The following MRTFB variants were observed in gnomAD, a reference collection of about 807,000 sequenced individuals.
MRTFB encodes myocardin-related transcription factor B.
MRTFB carries 29 observed loss-of-function variants against 104.2 expected under a neutral mutation model. The ratio of observed to expected loss-of-function variants is 0.28; its 90% confidence interval spans 0.21 to 0.38. The LOEUF (loss-of-function observed/expected upper bound fraction) is 0.38, where lower values mean the gene tolerates loss of function less well. Ranked by LOEUF, MRTFB falls within the 10% of genes least tolerant of loss-of-function variation. The pLI, the probability that MRTFB is intolerant of heterozygous loss-of-function variation, is 1.00. For missense variants in MRTFB, 1,270 were observed against 1,341.6 expected, an observed-to-expected ratio of 0.95 and a Z score of 0.83; for synonymous variants, 535 against 519.5, an observed-to-expected ratio of 1.03 and a Z score of -0.41.
the MRTFB span, among the ~76,000 whole-genome samples, chr16:13,996,146 C>T: frequency 5.3e-5 from 8 of 152,058 alleles, no homozygotes; most frequent in Non-Finnish European, 1.0e-4. Flanking sequence ...GTAGTACACA[C>T]TTGTAATTCT....
chr16:14,093,740 T>C (rs2035212830), intron 2 of MRTFB, among the ~76,000 whole-genome samples: 1 of 152,224 alleles, frequency 6.6e-6, no homozygotes, highest in African/African-American at 2.4e-5. Flanking sequence ...TAGATTTTAA[T>C]GATGAGGTCA....
At chr16:14,183,657 A>G (rs1050399155) in intron 3 of MRTFB, among the ~76,000 whole-genome samples, 2 of 152,200 alleles carry the variant, frequency 1.3e-5, no homozygotes, top group Non-Finnish European at 2.9e-5. Flanking sequence ...CTTAGGGTAA[A>G]GAAGTATCAT....
intron 2 of MRTFB, among the ~76,000 whole-genome samples, chr16:14,116,460 C>T (rs2036546828): frequency 6.6e-6 from 1 of 152,014 alleles, no homozygotes; most frequent in African/African-American, 2.4e-5. Context: ...GCACTATTAA[C>T]TTTTTTTTAT....
intron 3 of MRTFB, among the ~76,000 whole-genome samples, chr16:14,165,666 C>G (rs934989133): frequency 2.0e-5 from 3 of 152,166 alleles, no homozygotes. Context: ...CCATCTCATC[C>G]CTACAACCTT....
intron 2 of MRTFB, among the ~76,000 whole-genome samples, chr16:14,082,608 C>G (rs978999196): frequency 6.6e-6 from 1 of 152,002 alleles, no homozygotes; most frequent in South Asian, 2.1e-4. Context: ...AAAGTGAGAC[C>G]CTGTTTCTGC....
chr16:14,096,948 A>G (rs545340139), intron 2 of MRTFB, among the ~76,000 whole-genome samples: 1 of 152,362 alleles, frequency 6.6e-6, no homozygotes, highest in Admixed American at 6.5e-5. Context: ...AGGTTTCAAG[A>G]CATACCTCTC....
intron 5 of MRTFB, 69 bp from the exon 6 acceptor site, chr16:14,213,476 C>A (rs574834300): frequency 3.5e-5 from 39 of 1,112,182 alleles, no homozygotes; most frequent in African/African-American, 4.7e-5. Context: ...AAATGGAATA[C>A]CTTAAAGAAC....
rs572174874 is a variant in MRTFB, at chr16:14,168,959, A to G, written c.154+28199A>G. Among the ~76,000 whole-genome samples the G allele has an allele frequency of 5.3e-5, 8 of 152,290 alleles. No homozygotes were observed. The South Asian group carries it at 1.7e-3, about 32-fold the overall frequency. On this transcript the variant is annotated intron_variant, in intron 3 of 16. Transcript: ENST00000571589. ...ATTTTCATGATATCTAATGATATTG[A>G]GCACTTTTTAATGTGCTTATGAGCT...
intron 3 of MRTFB, among the ~76,000 whole-genome samples, chr16:14,183,543 T>C (rs946497212): frequency 1.1e-4 from 16 of 152,120 alleles, no homozygotes; most frequent in African/African-American, 3.6e-4. Flanking sequence ...TAATTTGATA[T>C]ATCTATACCG....
chr16:14,005,309 A>T, the MRTFB span, among the ~76,000 whole-genome samples: 3 of 152,220 alleles, frequency 2.0e-5, no homozygotes, highest in African/African-American at 7.2e-5. Flanking sequence ...AGGCTCTTAA[A>T]GTCAGTTCTA....
intron 11 of MRTFB, 46 bp from the exon 12 acceptor site, chr16:14,246,427 C>A: frequency 6.3e-7 from 1 of 1,582,274 alleles, no homozygotes; most frequent in Non-Finnish European, 8.6e-7. Flanking sequence ...TGTAGATTTG[C>A]CAGAAAGCTC....
intron 1 of MRTFB, among the ~76,000 whole-genome samples, chr16:14,071,754 G>A (rs6498499): frequency 0.19 from 29,095 of 152,130 alleles, 4,758 homozygotes; most frequent in African/African-American, 0.43. Context: ...GCCCGGGCCA[G>A]AGCCACACTG....
the MRTFB span, among the ~76,000 whole-genome samples, chr16:14,028,531 T>G: frequency 0.42 from 64,121 of 152,062 alleles, 14,278 homozygotes; most frequent in Admixed American, 0.51. Context: ...CCATTCGGTT[T>G]GGCACATTGC....
the MRTFB span, among the ~76,000 whole-genome samples, chr16:14,048,794 A>AC: frequency 6.6e-6 from 1 of 152,028 alleles, no homozygotes; most frequent in Non-Finnish European, 1.5e-5. Flanking sequence ...TTGTACATCC[A>AC]CCACCCCCTT....
At chr16:14,122,285 C>T (rs1359740416) in intron 2 of MRTFB, among the ~76,000 whole-genome samples, 3 of 150,610 alleles carry the variant, frequency 2.0e-5, no homozygotes, top group African/African-American at 7.3e-5. Context: ...ATTAATGTAC[C>T]AACTTTTTTT....
the MRTFB span, among the ~76,000 whole-genome samples, chr16:14,052,286 A>G: frequency 6.6e-6 from 1 of 152,096 alleles, no homozygotes; most frequent in Non-Finnish European, 1.5e-5. Context: ...AACAATTTTT[A>G]TTGTTACATA....
intron 6 of MRTFB, among the ~76,000 whole-genome samples, chr16:14,214,570 G>T (rs984737227): frequency 6.6e-6 from 1 of 152,162 alleles, no homozygotes; most frequent in Non-Finnish European, 1.5e-5. Context: ...CATTGTTAGA[G>T]GTGTTCCTTC....
In MRTFB at chr16:14,261,409, C is replaced by A. The variant is rs1369626102; in HGVS notation, c.3265C>A (p.Leu1089Ile). 1 of 1,611,780 alleles carries A rather than the reference C, an allele frequency of 6.2e-7. No homozygotes were observed. The highest frequency in any genetic ancestry group is 8.5e-7 in the Non-Finnish European group (1 of 1,178,240). The change falls in exon 17 of 17, where the codon CTA becomes ATA. Residue 1089 changes from leucine to isoleucine, a missense_variant. By Grantham distance (5) the Leu-to-Ile change is conservative (BLOSUM62 2). Transcript: ENST00000571589. The stretch of plus-strand genomic sequence containing the variant: ...GCCGAGCATGTTCTCTGCTGACTTT[C>A]TAGACCCACAGGACCTACCGCTGCC... Reference protein sequence around the residue: ...TAPSMFSADFLDPQDLPLPWD With the variant: ...TAPSMFSADFIDPQDLPLPWD
chr16:14,031,456 CA>C, the MRTFB span, among the ~76,000 whole-genome samples: 3 of 150,504 alleles, frequency 2.0e-5, no homozygotes, highest in African/African-American at 7.3e-5. Flanking sequence ...ATCATTTTAA[CA>C]GTTATGTATC....
Sources: allele counts gnomAD v4.1 joint callset (sites outside exome capture counted in the v4.1 genomes callset), GRCh38; gene constraint gnomAD v4.1.1; transcripts MANE v1.5; gene names NCBI Gene and HGNC (gene_info 2026-07-23, HGNC 2026-07-21).